The following RYR3 variants were observed in gnomAD, a reference collection of about 807,000 sequenced individuals.
RYR3 encodes ryanodine receptor 3.
A neutral mutation model predicts 584.3 loss-of-function variants in RYR3; 207 were observed. That is an observed-to-expected ratio of 0.35 (90% CI 0.32 to 0.40). The LOEUF (loss-of-function observed/expected upper bound fraction) is 0.40, where lower values mean the gene tolerates loss of function less well. Ranked by LOEUF, RYR3 falls within the 10% of genes least tolerant of loss-of-function variation. RYR3 has a pLI of 1.00. For missense variants in RYR3, 5,616 were observed against 6,089.2 expected, an observed-to-expected ratio of 0.92 and a Z score of 2.59; for synonymous variants, 2,416 against 2,248.5, an observed-to-expected ratio of 1.07 and a Z score of -2.11.
intron 103 of RYR3, 140 bp downstream of exon 103, chr15:33,864,329 CAATAAGAAGCCA>C (rs1889660189): frequency 5.1e-5 from 33 of 645,076 alleles, no homozygotes; most frequent in Non-Finnish European, 2.1e-5. Context: ...TTTTGTGACT[CAATAAGAAGCCA>C]AAGTCCTCCT....
chr15:33,386,400 T>G (rs1290645414), intron 1 of RYR3, among the ~76,000 whole-genome samples: 1 of 152,244 alleles, frequency 6.6e-6, no homozygotes, highest in Non-Finnish European at 1.5e-5. Context: ...TAATATTGAT[T>G]ACTTTCGCGT....
chr15:33,465,642 C>T (rs1338859267), intron 1 of RYR3: 1 of 501,972 alleles, frequency 2.0e-6, no homozygotes, highest in African/African-American at 2.0e-5. Flanking sequence ...ATGATGCGAT[C>T]TCAGGTTTTT....
intron 67 of RYR3, among the ~76,000 whole-genome samples, chr15:33,794,425 C>T (rs1203029527): frequency 2.0e-5 from 3 of 147,880 alleles, no homozygotes; most frequent in African/African-American, 7.4e-5. Context: ...ACAAAAATCC[C>T]TGCTTTTTTG....
intron 38 of RYR3, among the ~76,000 whole-genome samples, chr15:33,682,675 C>T (rs144324957): frequency 6.6e-6 from 1 of 152,268 alleles, no homozygotes; most frequent in African/African-American, 2.4e-5. Flanking sequence ...AAACATGTGC[C>T]TGGCAACATA....
At chr15:33,370,977 C>T (rs973544892) in intron 1 of RYR3, among the ~76,000 whole-genome samples, 3 of 152,170 alleles carry the variant, frequency 2.0e-5, no homozygotes, top group South Asian at 2.1e-4. Flanking sequence ...CTTGATCCTT[C>T]GCTCCAAGAA....
rs2063688307 is a variant in RYR3, at chr15:33,669,470, A to C, written c.5722+14A>C. 3 of 1,608,676 alleles carry C rather than the reference A, an allele frequency of 1.9e-6. No homozygotes were observed. Among genetic ancestry groups the C allele is most frequent in the Admixed American group, 1.7e-5 (1 of 59,920 alleles). On this transcript the variant is annotated intron_variant, in intron 37 of 103. Transcript: ENST00000634891. Reference sequence around the variant, plus strand: ...TCCTTCACTGTGGTAAGCTGCCCAGAGAAAGGCTTTGTCCTTTTTTTACAA... The same window carrying C: ...TCCTTCACTGTGGTAAGCTGCCCAGCGAAAGGCTTTGTCCTTTTTTTACAA...
intron 1 of RYR3, among the ~76,000 whole-genome samples, chr15:33,381,425 A>G (rs936536494): frequency 9.0e-6 from 1 of 110,882 alleles, no homozygotes; most frequent in African/African-American, 4.2e-5. Context: ...ATAAACACAT[A>G]TTGAATTAAT....
chr15:33,590,093 C>T (rs962898168), intron 16 of RYR3, among the ~76,000 whole-genome samples: 6 of 150,822 alleles, frequency 4.0e-5, no homozygotes, highest in South Asian at 4.2e-4. Context: ...TGGGCAGGGG[C>T]GGGGGTCACA....
At chr15:33,615,763 A>G (rs557629393) in intron 19 of RYR3, among the ~76,000 whole-genome samples, 2 of 152,348 alleles carry the variant, frequency 1.3e-5, no homozygotes, top group East Asian at 1.9e-4. Context: ...ATTCTCATTG[A>G]CAGCCATCAG....
chr15:33,734,513 G>C (rs967317695), intron 48 of RYR3, among the ~76,000 whole-genome samples: 2 of 151,962 alleles, frequency 1.3e-5, no homozygotes, highest in Non-Finnish European at 2.9e-5. Context: ...AGCTGCGATC[G>C]TGTTCCACCT....
intron 1 of RYR3, among the ~76,000 whole-genome samples, chr15:33,356,518 C>G (rs574877920): frequency 3.0e-4 from 45 of 152,200 alleles, no homozygotes; most frequent in African/African-American, 1.0e-3. Context: ...CATAGTGGCA[C>G]AGATCTAAGA....
intron 1 of RYR3, among the ~76,000 whole-genome samples, chr15:33,417,798 C>T (rs1036370832): frequency 6.6e-6 from 1 of 152,032 alleles, no homozygotes; most frequent in African/African-American, 2.4e-5. Context: ...TTTGCCCCTT[C>T]GGTATGATAA....
intron 1 of RYR3, among the ~76,000 whole-genome samples, chr15:33,349,992 C>G (rs993552978): frequency 6.6e-6 from 1 of 151,662 alleles, no homozygotes; most frequent in Admixed American, 6.6e-5. Flanking sequence ...TCCAGTCTAT[C>G]ATTGTTGGAC....
chr15:33,497,101 C>T (rs999888146), intron 2 of RYR3, among the ~76,000 whole-genome samples: 3 of 152,176 alleles, frequency 2.0e-5, no homozygotes, highest in Non-Finnish European at 4.4e-5. Context: ...CCAGCCTCCA[C>T]TAATTCTCCT....
In RYR3 at chr15:33,390,312, T is replaced by C. The variant is rs1019442387; in HGVS notation, c.51+79216T>C. Among the ~76,000 whole-genome samples, 1 of 152,232 alleles carries C rather than the reference T, an allele frequency of 6.6e-6. No individual in the cohort carries two copies. The highest frequency in any genetic ancestry group is 2.4e-5 in the African/African-American group (1 of 41,464). Reference sequence around the variant, plus strand: ...GTTTGTTCTTTTAGCTGGGCCCACATGGGCCTCAGTACCAGTATACCTGGG... The same window carrying C: ...GTTTGTTCTTTTAGCTGGGCCCACACGGGCCTCAGTACCAGTATACCTGGG... On this transcript the variant is annotated intron_variant, in intron 1 of 103. Transcript: ENST00000634891. The surrounding 1 kb of genome is among the most constrained non-coding windows in gnomAD (Gnocchi z 4.2).
Position 33,696,268 on chromosome 15 carries a change from G to T in RYR3, c.5911G>T (p.Asp1971Tyr). ...SQTMICWAQE[D>Y]QIQDSELVRM... ...GACGATGATCTGCTGGGCCCAGGAG[G>T]ACCAGATCCAGGATTCAGAGCTGGT... The change falls in exon 39 of 104, where the codon GAC (aspartate) becomes TAC (tyrosine). Residue 1971 changes from aspartate (D) to tyrosine (Y), a missense_variant. Asp to Tyr is a radical substitution (Grantham distance 160, BLOSUM62 -3). Around this residue, in one of 9 missense-constraint regions of RYR3, gnomAD observed 1,280 missense variants for 1,426.2 expected, o/e 0.90. Coordinates refer to ENST00000634891, the MANE Select transcript of RYR3 (RefSeq NM_001036.6). 6.2e-6 allele frequency: 10 copies of T among 1,613,714 alleles called. No individual in the cohort carries two copies. The highest frequency in any genetic ancestry group is 1.1e-5 in the South Asian group (1 of 91,042).
At chr15:33,624,133 G>T in intron 20 of RYR3, 110 bp downstream of exon 20, 1 of 765,026 alleles carries the variant, frequency 1.3e-6, no homozygotes, top group African/African-American at 1.7e-5. Flanking sequence ...CTCCAGAATT[G>T]TTGTATAATG....
Position 33,707,061 on chromosome 15 carries a change from C to G in RYR3, c.6619+7C>G, listed in dbSNP as rs376874946. 1.4e-4 allele frequency: 220 copies of G among 1,613,758 alleles called. No individual in the cohort carries two copies. In the Middle Eastern group the frequency reaches 3.1e-3, roughly 23 times the overall value. On this transcript the variant is annotated splice_region_variant and intron_variant, in intron 43 of 103. Coordinates refer to ENST00000634891, the MANE Select transcript of RYR3 (RefSeq NM_001036.6). ...TTTGCTGTCTTCGTGAACAGTGAGT[C>G]CCACATTTTTCCATACCTCTTATAC...
At chr15:33,575,218 A>C (rs1454083538) in intron 12 of RYR3, among the ~76,000 whole-genome samples, 1 of 152,182 alleles carries the variant, frequency 6.6e-6, no homozygotes, top group Non-Finnish European at 1.5e-5. Context: ...TAGATCATTG[A>C]GACAGAAAAT....
Sources: allele counts gnomAD v4.1 joint callset (sites outside exome capture counted in the v4.1 genomes callset), GRCh38; gene constraint gnomAD v4.1.1; regional missense constraint gnomAD v4.1.1; non-coding constraint Gnocchi (gnomAD v3.1); transcripts MANE v1.5; gene names NCBI Gene and HGNC (gene_info 2026-07-23, HGNC 2026-07-21).